RAD54L2: variants seen among roughly 807,000 people sequenced by gnomAD.
RAD54L2 encodes the protein helicase ARIP4.
A neutral mutation model predicts 138.4 loss-of-function variants in RAD54L2; 27 were observed. The observed-to-expected ratio is 0.20, with a 90% CI of 0.14 to 0.27. RAD54L2 has a LOEUF of 0.27. RAD54L2 is among the 10% of genes least tolerant of loss of function. The pLI, the probability that RAD54L2 is intolerant of heterozygous loss-of-function variation, is 1.00. For missense variants in RAD54L2, 1,396 were observed against 1,890.2 expected (o/e 0.74, Z 4.85); for synonymous variants, 644 against 723.2 (o/e 0.89, Z 1.76).
chr3:51,603,188 A>G (rs953644316), intron 3 of RAD54L2, among the ~76,000 whole-genome samples: 1 of 150,006 alleles, frequency 6.7e-6, no homozygotes, highest in Non-Finnish European at 1.5e-5. Context: ...AAGCACCTGT[A>G]GTCCCAGTTG....
chr3:51,601,310 C>CTTTTTTTTTTTTTTTT (rs779030766), intron 3 of RAD54L2, among the ~76,000 whole-genome samples: 19 of 123,098 alleles, frequency 1.5e-4, no homozygotes, highest in African/African-American at 5.5e-4. Context: ...CTGCGCCCGG[C>CTTTTTTTTTTTTTTTT]TTTTTTTTTT....
Position 51,663,080 on chromosome 3 carries a change from C to G in RAD54L2, c.4064C>G (p.Ser1355Cys). 6.2e-7 allele frequency: 1 copy of G among 1,613,980 alleles called. No individual in the cohort carries two copies. The highest frequency in any genetic ancestry group is 8.5e-7 in the Non-Finnish European group (1 of 1,179,892). Reference protein sequence around the residue: ...DPLVPAGPVSSSSTATSVTAS... With the variant: ...DPLVPAGPVSCSSTATSVTAS... Reference sequence around the variant, plus strand: ...CTGGTGCCAGCAGGCCCCGTCAGTTCCTCTTCCACGGCTACCTCAGTCACT... The same window carrying G: ...CTGGTGCCAGCAGGCCCCGTCAGTTGCTCTTCCACGGCTACCTCAGTCACT... Residue 1355 changes from serine to cysteine, a missense_variant, in exon 23 of 23, where the codon TCC (serine) becomes TGC (cysteine). Ser to Cys is a moderately radical substitution (Grantham distance 112). Coordinates refer to ENST00000684192, the MANE Select transcript of RAD54L2 (RefSeq NM_015106.4).
At chr3:51,597,885 C>T (rs1415307756) in intron 3 of RAD54L2, among the ~76,000 whole-genome samples, 3 of 148,790 alleles carry the variant, frequency 2.0e-5, no homozygotes, top group East Asian at 3.9e-4. Context: ...ACCTGGGAGG[C>T]GGAGGTTGCG....
At chr3:51,545,833 G>A (rs773075714) in intron 2 of RAD54L2, among the ~76,000 whole-genome samples, 1 of 151,528 alleles carries the variant, frequency 6.6e-6, no homozygotes, top group Admixed American at 6.6e-5. Context: ...CTTCTGCGTT[G>A]GCCTCCCAAT....
At chr3:51,594,224 C>A (rs1490325527) in intron 3 of RAD54L2, among the ~76,000 whole-genome samples, 1 of 152,034 alleles carries the variant, frequency 6.6e-6, no homozygotes, top group Non-Finnish European at 1.5e-5. Context: ...CAGGCATGCA[C>A]CACTATGCCT....
intron 3 of RAD54L2, 146 bp from the exon 4 acceptor site, chr3:51,627,407 A>T: frequency 1.4e-6 from 1 of 727,476 alleles, no homozygotes; most frequent in Non-Finnish European, 2.4e-6. Flanking sequence ...AGATACATCC[A>T]CTGATGTTCA....
intron 2 of RAD54L2, among the ~76,000 whole-genome samples, chr3:51,552,561 C>CTTTTTTT (rs58505964): frequency 8.4e-5 from 9 of 106,752 alleles, no homozygotes; most frequent in East Asian, 5.1e-4. Context: ...TGCGCCTGGC[C>CTTTTTTT]TTTTTTTTTT....
Position 51,633,856 on chromosome 3 carries a change from G to A in RAD54L2, c.1009-46G>A, listed in dbSNP as rs747159383. The A allele has an allele frequency of 7.5e-6, 12 of 1,607,388 alleles. No individual in the cohort carries two copies. In the South Asian group the frequency reaches 1.1e-4, roughly 15 times the overall value. On this transcript the variant is annotated intron_variant, in intron 8 of 22. Coordinates refer to ENST00000684192, the MANE Select transcript of RAD54L2 (RefSeq NM_015106.4). Reference sequence around the variant, plus strand: ...CAAAAAGCTTGATGAGCTCAGCTCTGAGTTTGTTCCATAAAACTCTCTTTT... The same window carrying A: ...CAAAAAGCTTGATGAGCTCAGCTCTAAGTTTGTTCCATAAAACTCTCTTTT...
At chr3:51,635,145 C>T (rs1411164920) in intron 9 of RAD54L2, among the ~76,000 whole-genome samples, 1 of 152,168 alleles carries the variant, frequency 6.6e-6, no homozygotes, top group Non-Finnish European at 1.5e-5. Flanking sequence ...GGTCTCTTCT[C>T]CTCTTTCCTC....
chr3:51,630,983 G>A lies in RAD54L2; in HGVS notation c.825+52G>A, dbSNP rs573374226. 5.3e-5 allele frequency: 80 copies of A among 1,517,224 alleles called. No individual in the cohort carries two copies. The South Asian group carries it at 8.4e-4, about 16-fold the overall frequency. 94.0% of individuals were successfully genotyped at this position (1,517,224 alleles called of 1,614,324 possible). ...CTTTTCCTTTTTGTTTCCTTGTTGT[G>A]AACATTGCCTGCTGGTGGTTATTAG... On this transcript the variant is annotated intron_variant, in intron 7 of 22. Coordinates refer to ENST00000684192, the MANE Select transcript of RAD54L2 (RefSeq NM_015106.4).
chr3:51,608,199 C>G (rs934306312), intron 3 of RAD54L2, among the ~76,000 whole-genome samples: 2 of 150,580 alleles, frequency 1.3e-5, no homozygotes, highest in African/African-American at 2.4e-5. Context: ...GGGTCGCGGC[C>G]GGGCAGAGGC....
rs767173968 is a variant in RAD54L2, at chr3:51,633,720, C to T, written c.969C>T (p.Phe323=). The T allele has an allele frequency of 5.6e-6, 9 of 1,613,948 alleles. No homozygotes were observed. In the South Asian group the frequency reaches 7.7e-5, roughly 14 times the overall value. ...LQVISFIDVL[F]RHTPAKTVLA... is the part of the protein sequence containing the mutation. ...TGATCTCTTTCATCGACGTCCTCTT[C>T]CGCCACACGCCAGCCAAAACAGTCC... is the stretch of plus-strand genomic sequence containing the variant. Residue 323 remains phenylalanine (F), a synonymous_variant, in exon 8 of 23, where the codon TTC becomes TTT. Coordinates refer to ENST00000684192, the MANE Select transcript of RAD54L2 (RefSeq NM_015106.4).
intron 2 of RAD54L2, among the ~76,000 whole-genome samples, chr3:51,586,792 C>G (rs534988390): frequency 5.9e-5 from 9 of 152,100 alleles, no homozygotes; most frequent in African/African-American, 2.2e-4. Context: ...TGGTCTTGAA[C>G]TCCTGACCTC....
At chr3:51,552,898 A>G (rs1337437879) in intron 2 of RAD54L2, among the ~76,000 whole-genome samples, 2 of 152,168 alleles carry the variant, frequency 1.3e-5, no homozygotes, top group Non-Finnish European at 2.9e-5. Flanking sequence ...TTTGAAGCCT[A>G]GGTAACTAAT....
At chr3:51,629,724 G>C (rs915413973) in intron 5 of RAD54L2, among the ~76,000 whole-genome samples, 2 of 152,070 alleles carry the variant, frequency 1.3e-5, no homozygotes, top group African/African-American at 4.8e-5. Context: ...TTAGCCGGGC[G>C]TGGTGGCGTG....
At chr3:51,646,627 C>T (rs1318210272) in intron 19 of RAD54L2, 146 bp downstream of exon 19, 2 of 881,712 alleles carry the variant, frequency 2.3e-6, no homozygotes, top group East Asian at 2.7e-5. Context: ...GGTGTGAAAG[C>T]AGTTCAGTAG....
At position 51,602,958 on chromosome 3, in the gene RAD54L2, T is replaced by C. The variant is rs561570508; in HGVS notation, c.139+12399T>C. 7.9e-5 allele frequency among the ~76,000 whole-genome samples: 12 copies of C among 152,148 alleles called. No individual in the cohort carries two copies. In the South Asian group the frequency reaches 2.5e-3, roughly 32 times the overall value. ...GGATCCACCTGTCTTAGCCTCCAAGTACCTAGGACTACAGGTGCATACCAC... is the reference window on the plus strand; with the variant it reads ...GGATCCACCTGTCTTAGCCTCCAAGCACCTAGGACTACAGGTGCATACCAC... On this transcript the variant is annotated intron_variant, in intron 3 of 22. Transcript: ENST00000684192.
intron 3 of RAD54L2, among the ~76,000 whole-genome samples, chr3:51,616,445 T>C (rs189346460): frequency 6.6e-6 from 1 of 152,328 alleles, no homozygotes; most frequent in East Asian, 1.9e-4. Context: ...TCAGCATTAA[T>C]GTGTAATTTA....
At chr3:51,593,387 C>T (rs1699881732) in intron 3 of RAD54L2, among the ~76,000 whole-genome samples, 1 of 150,724 alleles carries the variant, frequency 6.6e-6, no homozygotes, top group South Asian at 2.1e-4. Flanking sequence ...GGCTGGAGTG[C>T]AGTGGCGCGA....
Sources: gnomAD v4.1 joint callset for allele counts (sites outside exome capture counted in the v4.1 genomes callset) on GRCh38, gnomAD v4.1.1 for gene constraint, MANE v1.5 for transcripts, NCBI Gene and HGNC (gene_info 2026-07-23, HGNC 2026-07-21) for gene names.